Variants in CACNB4 observed in about 807,000 individuals in gnomAD.
CACNB4 encodes the protein calcium voltage-gated channel auxiliary subunit beta 4.
A neutral mutation model predicts 71.2 loss-of-function variants in CACNB4; 32 were observed. The ratio of observed to expected loss-of-function variants is 0.45; its 90% CI spans 0.34 to 0.60. The LOEUF (loss-of-function observed/expected upper bound fraction) is 0.60. CACNB4 is among the 20% of genes least tolerant of loss of function. CACNB4 has a pLI of 0.01. For synonymous variants in CACNB4, 231 were observed against 236.9 expected (o/e 0.97, Z 0.23); for missense variants, 464 against 647.9 (o/e 0.72, Z 3.08).
At chr2:151,857,854 G>T (rs572338242) in intron 10 of CACNB4, 7 of 152,306 alleles carry the variant, frequency 4.6e-5, no homozygotes, top group African/African-American at 1.7e-4. Context: ...TCTGCCAGGA[G>T]CAAGGGCAGC....
intron 2 of CACNB4, chr2:151,973,878 G>C (rs1315805739): frequency 6.9e-7 from 1 of 1,454,168 alleles, no homozygotes; most frequent in African/African-American, 1.4e-5. Context: ...ATCCCACAGG[G>C]TGAGGTTATC....
At chr2:152,081,870 G>A (rs16830677) in intron 2 of CACNB4, among the ~76,000 whole-genome samples, 1,925 of 152,266 alleles carry the variant, frequency 0.013, 40 homozygotes, top group African/African-American at 0.044. Context: ...TATCAGGCCC[G>A]TGGCAAACAC....
chr2:151,970,350 G>C (rs77703178), intron 2 of CACNB4: 3 of 152,092 alleles, frequency 2.0e-5, no homozygotes, highest in African/African-American at 7.2e-5. Context: ...ACTATTTCTG[G>C]GTGGTAGGTT....
chr2:151,946,197 T>G (rs375086378), intron 2 of CACNB4, among the ~76,000 whole-genome samples: 25 of 152,116 alleles, frequency 1.6e-4, no homozygotes, highest in African/African-American at 5.8e-4. Context: ...GGCATGGTGG[T>G]GGGTGGCTGT....
intron 2 of CACNB4, among the ~76,000 whole-genome samples, chr2:151,944,030 T>TC (rs934738368): frequency 2.6e-4 from 38 of 147,878 alleles, no homozygotes; most frequent in East Asian, 1.4e-3. Flanking sequence ...TTTCTTTCTT[T>TC]TTTTTTTTTT....
At chr2:151,890,162 T>C (rs751275784) in intron 2 of CACNB4, among the ~76,000 whole-genome samples, 1 of 152,210 alleles carries the variant, frequency 6.6e-6, no homozygotes, top group Non-Finnish European at 1.5e-5. Flanking sequence ...CTAAGGTATC[T>C]TGCATGGATT....
chr2:151,940,813 A>G (rs1489109603), intron 2 of CACNB4, among the ~76,000 whole-genome samples: 1 of 152,190 alleles, frequency 6.6e-6, no homozygotes, highest in East Asian at 1.9e-4. Flanking sequence ...ATGCATGAAT[A>G]TATTGTCACC....
chr2:152,069,042 T>C (rs931434929), intron 2 of CACNB4, among the ~76,000 whole-genome samples: 1 of 152,058 alleles, frequency 6.6e-6, no homozygotes, highest in Non-Finnish European at 1.5e-5. Context: ...TGCAACTAGG[T>C]AGTATGAGGG....
At chr2:151,989,780 G>A (rs1681588107) in intron 2 of CACNB4, among the ~76,000 whole-genome samples, 2 of 152,128 alleles carry the variant, frequency 1.3e-5, no homozygotes, top group African/African-American at 2.4e-5. Context: ...CTCAACATGT[G>A]CAATAGTGAA....
intron 2 of CACNB4, among the ~76,000 whole-genome samples, chr2:152,048,066 TGAGAGGA>T (rs1284470488): frequency 6.6e-6 from 1 of 152,142 alleles, no homozygotes; most frequent in African/African-American, 2.4e-5. Flanking sequence ...GCATGCTGGG[TGAGAGGA>T]CTCAAGTTCA....
At chr2:151,899,768 T>C (rs1010414866) in intron 2 of CACNB4, among the ~76,000 whole-genome samples, 9 of 152,146 alleles carry the variant, frequency 5.9e-5, no homozygotes, top group Non-Finnish European at 1.0e-4. Context: ...TACTATCTAA[T>C]ATGCAATTCA....
chr2:151,860,925 G>T, intron 9 of CACNB4, 105 bp from the exon 10 acceptor site: 1 of 726,682 alleles, frequency 1.4e-6, no homozygotes, highest in Non-Finnish European at 2.5e-6. Context: ...TGCTACAGGG[G>T]AACCACAGTA....
chr2:151,966,016 G>A (rs10169249), intron 2 of CACNB4, among the ~76,000 whole-genome samples: 124 of 152,290 alleles, frequency 8.1e-4, no homozygotes, highest in South Asian at 3.9e-3. Context: ...ACAAAACACC[G>A]TGGTAATTGA....
At chr2:152,091,179 T>G (rs1687951975) in intron 2 of CACNB4, among the ~76,000 whole-genome samples, 1 of 152,154 alleles carries the variant, frequency 6.6e-6, no homozygotes, top group Non-Finnish European at 1.5e-5. Flanking sequence ...TTCAATTTAT[T>G]TAAGCCCCAA....
At chr2:151,900,587 G>A (rs920870419) in intron 2 of CACNB4, among the ~76,000 whole-genome samples, 3 of 152,200 alleles carry the variant, frequency 2.0e-5, no homozygotes, top group Non-Finnish European at 4.4e-5. Context: ...GCAGATCACA[G>A]CAAATCAGGA....
At chr2:151,959,021 A>G (rs1034939763) in intron 2 of CACNB4, among the ~76,000 whole-genome samples, 1 of 152,218 alleles carries the variant, frequency 6.6e-6, no homozygotes, top group Admixed American at 6.5e-5. Context: ...GACAGGTCCA[A>G]TAATTCCTTG....
At chr2:151,840,301 T>C (rs1234371253) in intron 13 of CACNB4, among the ~76,000 whole-genome samples, 3 of 152,160 alleles carry the variant, frequency 2.0e-5, no homozygotes, top group Non-Finnish European at 4.4e-5. Flanking sequence ...CACAATGAAG[T>C]GTCAATTGTT....
At chr2:152,035,630 C>CCTCTCTTT (rs1684533931) in intron 2 of CACNB4, among the ~76,000 whole-genome samples, 1 of 93,290 alleles carries the variant, frequency 1.1e-5, no homozygotes, top group Admixed American at 1.3e-4. Flanking sequence ...CCTCCCTCTC[C>CCTCTCTTT]CTCTCTCTCT....
chr2:152,047,228 A>C (rs1332603803), intron 2 of CACNB4, among the ~76,000 whole-genome samples: 1 of 152,232 alleles, frequency 6.6e-6, no homozygotes, highest in Non-Finnish European at 1.5e-5. Context: ...GTCGTTTTTC[A>C]GAAACCCAAA....
Sources: gnomAD v4.1 joint callset for allele counts (sites outside exome capture counted in the v4.1 genomes callset) on GRCh38, gnomAD v4.1.1 for gene constraint, MANE v1.5 for transcripts, NCBI Gene and HGNC (gene_info 2026-07-23, HGNC 2026-07-21) for gene names.